Variants in APTX observed in about 807,000 individuals in gnomAD.
APTX encodes the protein forkhead-associated domain histidine triad-like protein.
A neutral mutation model predicts 42.3 loss-of-function variants in APTX; 33 were observed. The ratio of observed to expected loss-of-function variants is 0.78; its 90% CI spans 0.59 to 1.04. The LOEUF (loss-of-function observed/expected upper bound fraction) is 1.04, where lower values mean the gene tolerates loss of function less well. Among genes scored for constraint, APTX ranks in the 50% least tolerant of loss-of-function variants. The pLI is 0.00. For synonymous variants in APTX, 130 were observed against 146.7 expected, an observed-to-expected ratio of 0.89 and a Z score of 0.82; for missense variants, 421 against 415.1, an observed-to-expected ratio of 1.01 and a Z score of -0.12.
chr9:33,006,897 G>A (rs2119199578), intron 1 of APTX, among the ~76,000 whole-genome samples: 1 of 150,714 alleles, frequency 6.6e-6, no homozygotes, highest in East Asian at 2.0e-4. Flanking sequence ...CTACTTGGGA[G>A]GCTGAGGCAG....
chr9:32,988,179 A>T (rs763391606), intron 2 of APTX, 50 bp from the exon 3 acceptor site: 3 of 1,549,072 alleles, frequency 1.9e-6, no homozygotes, highest in Non-Finnish European at 2.7e-6. Context: ...AGAACCAGGC[A>T]CTTGCTCCTA....
In APTX at chr9:32,984,861, G is replaced by A. The variant is rs201736194; in HGVS notation, c.544-4C>T. ...CCACCTGCTCATCTTTGTAAACCTA[G>A]CAGAGGGATACAAGAGAAGGAAACA... On this transcript the variant is annotated splice_polypyrimidine_tract_variant and splice_region_variant and intron_variant, in intron 5 of 7. Transcript: ENST00000379817. The A allele has an allele frequency of 1.9e-4, 303 of 1,608,838 alleles. No individual in the cohort carries two copies. Among genetic ancestry groups the A allele is most frequent in the Non-Finnish European group, 2.5e-4 (296 of 1,175,296 alleles).
intron 1 of APTX, chr9:33,019,833 C>A: frequency 3.1e-6 from 2 of 644,466 alleles, no homozygotes; most frequent in Admixed American, 5.3e-5. Context: ...AGGATCCTGC[C>A]GCTCACTGTG....
intron 7 of APTX, among the ~76,000 whole-genome samples, chr9:32,974,104 GC>G (rs1267165053): frequency 1.3e-5 from 2 of 152,024 alleles, no homozygotes; most frequent in Non-Finnish European, 2.9e-5. Flanking sequence ...ACAGGAGGCA[GC>G]CCCAAAGCTC....
chr9:32,980,466 G>A (rs1188303236), intron 6 of APTX: 3 of 154,510 alleles, frequency 1.9e-5, no homozygotes, highest in Non-Finnish European at 2.9e-5. Flanking sequence ...TAAAACTGAG[G>A]TGGAAAGGAT....
chr9:33,018,137 G>A (rs1404387532), intron 1 of APTX, among the ~76,000 whole-genome samples: 1 of 148,468 alleles, frequency 6.7e-6, no homozygotes, highest in Non-Finnish European at 1.5e-5. Context: ...TTTTTGAGAC[G>A]ACTCACTCTG....
chr9:33,022,311 T>C (rs1486585158), intron 1 of APTX, among the ~76,000 whole-genome samples: 1 of 152,164 alleles, frequency 6.6e-6, no homozygotes, highest in Non-Finnish European at 1.5e-5. Context: ...AGTAAACATT[T>C]AAAACATGGT....
At chr9:32,988,012 C>A in intron 3 of APTX, 71 bp downstream of exon 3, 1 of 1,557,264 alleles carries the variant, frequency 6.4e-7, no homozygotes, top group South Asian at 1.1e-5. Context: ...CACTGGCTGG[C>A]ACAGACACTC....
At chr9:32,976,194 C>T (rs1308793814) in intron 6 of APTX, among the ~76,000 whole-genome samples, 1 of 133,934 alleles carries the variant, frequency 7.5e-6, no homozygotes, top group African/African-American at 2.9e-5. Context: ...CACTTGGACA[C>T]AGGGCAGGGA....
chr9:33,022,721 G>A (rs1838487305), intron 1 of APTX, among the ~76,000 whole-genome samples: 1 of 152,160 alleles, frequency 6.6e-6, no homozygotes, highest in Admixed American at 6.5e-5. Context: ...AAGTGAAAAG[G>A]GCAAGCTGTA....
intron 1 of APTX, among the ~76,000 whole-genome samples, chr9:33,012,826 T>G (rs1837631714): frequency 6.6e-6 from 1 of 152,088 alleles, no homozygotes; most frequent in Admixed American, 6.5e-5. Context: ...ACCAGAACAC[T>G]CCCTTTTAGA....
At chr9:33,000,710 A>C (rs971106987) in intron 1 of APTX, among the ~76,000 whole-genome samples, 2 of 151,664 alleles carry the variant, frequency 1.3e-5, no homozygotes, top group Non-Finnish European at 2.9e-5. Flanking sequence ...ACGAGCACAA[A>C]TCTGTATTGT....
At chr9:33,015,620 G>A (rs1837843609) in intron 1 of APTX, among the ~76,000 whole-genome samples, 1 of 152,208 alleles carries the variant, frequency 6.6e-6, no homozygotes, top group African/African-American at 2.4e-5. Flanking sequence ...GTCTCCCAAA[G>A]TGCTGGGATT....
At chr9:32,974,189 G>A (rs533200613) in intron 7 of APTX, among the ~76,000 whole-genome samples, 43 of 152,152 alleles carry the variant, frequency 2.8e-4, no homozygotes, top group African/African-American at 9.9e-4. Flanking sequence ...TAATTCTCAC[G>A]GCAGCCTTTA....
intron 6 of APTX, among the ~76,000 whole-genome samples, chr9:32,982,338 T>A (rs1427257707): frequency 2.6e-5 from 4 of 152,012 alleles, no homozygotes; most frequent in African/African-American, 9.7e-5. Flanking sequence ...AAATGTGAGA[T>A]TGGATTCTGG....
At chr9:32,985,848 G>A in intron 5 of APTX, 123 bp downstream of exon 5, 1 of 931,964 alleles carries the variant, frequency 1.1e-6, no homozygotes, top group Non-Finnish European at 1.7e-6. Context: ...TCACAGAACA[G>A]CCCAATAAAA....
intron 1 of APTX, among the ~76,000 whole-genome samples, chr9:33,016,970 G>C (rs1423433162): frequency 3.9e-5 from 6 of 152,198 alleles, no homozygotes; most frequent in Admixed American, 6.5e-5. Flanking sequence ...CAGTGTTCTA[G>C]ATGCTTGCGA....
At chr9:33,018,326 G>A (rs2119292014) in intron 1 of APTX, among the ~76,000 whole-genome samples, 1 of 151,944 alleles carries the variant, frequency 6.6e-6, no homozygotes, top group Non-Finnish European at 1.5e-5. Context: ...CTACTACGAT[G>A]GAAGGCCGAG....
intron 1 of APTX, among the ~76,000 whole-genome samples, chr9:33,022,801 AT>A (rs1838494657): frequency 6.6e-6 from 1 of 152,102 alleles, no homozygotes; most frequent in Admixed American, 6.5e-5. Flanking sequence ...CAGTTTTTTT[AT>A]TTTATTTTAC....
Sources: allele counts gnomAD v4.1 joint callset (sites outside exome capture counted in the v4.1 genomes callset), GRCh38; gene constraint gnomAD v4.1.1; transcripts MANE v1.5; gene names NCBI Gene and HGNC (gene_info 2026-07-23, HGNC 2026-07-21).